The following XKR6 variants were observed in gnomAD, a reference collection of about 807,000 sequenced individuals.
XKR6 encodes XK-related protein 6.
A neutral mutation model predicts 56.7 loss-of-function variants in XKR6; 22 were observed. The observed-to-expected ratio is 0.39, with a 90% CI of 0.28 to 0.55. The LOEUF is 0.55. XKR6 is among the 20% of genes least tolerant of loss of function. The pLI is 0.66. For synonymous variants in XKR6, 524 were observed against 387.8 expected, an observed-to-expected ratio of 1.35 and a Z score of -4.13; for missense variants, 852 against 889.0, an observed-to-expected ratio of 0.96 and a Z score of 0.53.
intron 2 of XKR6, among the ~76,000 whole-genome samples, chr8:10,919,697 G>C (rs941088045): frequency 3.7e-4 from 56 of 152,322 alleles, no homozygotes; most frequent in Non-Finnish European, 7.3e-4. Context: ...GCTGGAATCT[G>C]CATGCAGCCC....
chr8:11,117,440 G>A (rs1799234914), intron 1 of XKR6, among the ~76,000 whole-genome samples: 1 of 152,160 alleles, frequency 6.6e-6, no homozygotes, highest in Non-Finnish European at 1.5e-5. Context: ...CAAACTGAAG[G>A]ATTCCACAGG....
At chr8:11,107,601 C>T (rs907826972) in intron 1 of XKR6, among the ~76,000 whole-genome samples, 1 of 152,186 alleles carries the variant, frequency 6.6e-6, no homozygotes, top group African/African-American at 2.4e-5. Context: ...TCAGGCTCCT[C>T]TCTCAGCGGC....
At chr8:11,151,450 A>G (rs1225566830) in intron 1 of XKR6, among the ~76,000 whole-genome samples, 1 of 152,196 alleles carries the variant, frequency 6.6e-6, no homozygotes, top group Non-Finnish European at 1.5e-5. Flanking sequence ...GTAATTTTCT[A>G]TTATTTGTTC....
At chr8:11,146,493 G>T (rs773286743) in intron 1 of XKR6, among the ~76,000 whole-genome samples, 1 of 152,130 alleles carries the variant, frequency 6.6e-6, no homozygotes, top group Non-Finnish European at 1.5e-5. Context: ...GATGAGCATG[G>T]TGGCATGTGC....
intron 1 of XKR6, among the ~76,000 whole-genome samples, chr8:11,121,800 G>A (rs1693145954): frequency 6.6e-6 from 1 of 152,174 alleles, no homozygotes; most frequent in Non-Finnish European, 1.5e-5. Flanking sequence ...GTCCAACAAT[G>A]ATAGACTGGA....
chr8:11,042,186 G>A (rs553095960), intron 1 of XKR6, among the ~76,000 whole-genome samples: 8 of 151,796 alleles, frequency 5.3e-5, no homozygotes, highest in African/African-American at 1.7e-4. Flanking sequence ...ATCACAGGTC[G>A]AGTCTCCCTT....
chr8:11,108,522 G>A (rs919626528), intron 1 of XKR6: 8 of 368,396 alleles, frequency 2.2e-5, no homozygotes, highest in Middle Eastern at 9.0e-4. Flanking sequence ...AAGCCAGCAG[G>A]AGGCATTGCC....
intron 1 of XKR6, among the ~76,000 whole-genome samples, chr8:11,116,330 C>T (rs1023813421): frequency 3.9e-5 from 6 of 152,204 alleles, no homozygotes; most frequent in Non-Finnish European, 8.8e-5. Flanking sequence ...TGTGTCAACA[C>T]AGAGAACCTG....
At chr8:11,029,579 T>C (rs1424709899) in intron 1 of XKR6, among the ~76,000 whole-genome samples, 3 of 152,270 alleles carry the variant, frequency 2.0e-5, no homozygotes, top group East Asian at 1.9e-4. Context: ...GTTGGCACAC[T>C]GGTCCCAAAC....
chr8:11,079,489 C>T (rs1433212013), intron 1 of XKR6, among the ~76,000 whole-genome samples: 2 of 152,168 alleles, frequency 1.3e-5, no homozygotes, highest in Non-Finnish European at 2.9e-5. Flanking sequence ...GGTTTTGATG[C>T]AGCATCCACA....
Position 11,172,155 on chromosome 8 carries a change from G to C in XKR6, c.764+28421C>G, listed in dbSNP as rs1028365448. On this transcript the variant is annotated intron_variant, in intron 1 of 2. Coordinates refer to ENST00000416569, the MANE Select transcript of XKR6 (RefSeq NM_173683.4). ...GGAGCCTGAGGCCAGCAGATTGCTTGAGCCCAGGAATTTGAGATAGCCTGG... is the reference window on the plus strand; with the variant it reads ...GGAGCCTGAGGCCAGCAGATTGCTTCAGCCCAGGAATTTGAGATAGCCTGG... Among the ~76,000 whole-genome samples, 181 of 152,036 alleles carry C rather than the reference G, an allele frequency of 1.2e-3. 1 individual carries two copies. Among genetic ancestry groups the C allele is most frequent in the African/African-American group, 4.0e-3 (166 of 41,480 alleles).
chr8:10,943,395 G>A (rs946465367), intron 1 of XKR6, among the ~76,000 whole-genome samples: 2 of 152,126 alleles, frequency 1.3e-5, no homozygotes, highest in Non-Finnish European at 2.9e-5. Flanking sequence ...TCCCATGGTT[G>A]ACTCCGACCT....
chr8:11,201,433 A>C lies in XKR6; in HGVS notation c.-94T>G. 3.4e-6 allele frequency: 1 copy of C among 291,038 alleles called. No individual in the cohort carries two copies. Among genetic ancestry groups the C allele is most frequent in the Non-Finnish European group, 5.8e-6 (1 of 173,246 alleles). The allele number at this position is 291,038 out of a possible 1,614,324, so 18.0% of individuals were successfully genotyped here. A position where few individuals can be genotyped will look rare whatever the true frequency, so the allele number is the denominator to read the frequency against. ...AACGGGGAGGGGGGGAAACGAATGG[A>C]GAGGAAGGGGGGCGGGGAGGAAGCG... On this transcript the variant is annotated 5_prime_UTR_variant, in exon 1 of 3. Transcript: ENST00000416569.
intron 1 of XKR6, among the ~76,000 whole-genome samples, chr8:10,988,945 G>A (rs1477480956): frequency 1.3e-5 from 2 of 152,218 alleles, no homozygotes; most frequent in Non-Finnish European, 2.9e-5. Flanking sequence ...ACAGCAAAAG[G>A]CAGAGGACAG....
chr8:11,149,919 G>A (rs1410008822), intron 1 of XKR6, among the ~76,000 whole-genome samples: 2 of 152,178 alleles, frequency 1.3e-5, no homozygotes, highest in African/African-American at 2.4e-5. Flanking sequence ...ATAAAATCAC[G>A]CCGTTTGCAG....
At chr8:10,990,357 C>G (rs1189973346) in intron 1 of XKR6, among the ~76,000 whole-genome samples, 3 of 152,124 alleles carry the variant, frequency 2.0e-5, no homozygotes, top group African/African-American at 7.2e-5. Context: ...CTGCTCTGGT[C>G]CCAAAGGGAG....
intron 1 of XKR6, among the ~76,000 whole-genome samples, chr8:11,145,724 T>C (rs7015231): frequency 0.031 from 4,782 of 152,294 alleles, 243 homozygotes; most frequent in African/African-American, 0.11. Context: ...AATGGAGAGA[T>C]ACGCCATATT....
chr8:10,978,640 T>C (rs6996418), intron 1 of XKR6, among the ~76,000 whole-genome samples: 11,770 of 152,282 alleles, frequency 0.077, 1,331 homozygotes, highest in African/African-American at 0.24. Context: ...GCCCTTAACA[T>C]AGATGGAAAT....
intron 1 of XKR6, among the ~76,000 whole-genome samples, chr8:11,125,378 G>C (rs929309840): frequency 6.6e-6 from 1 of 152,190 alleles, no homozygotes; most frequent in African/African-American, 2.4e-5. Context: ...GGTGTGCTCA[G>C]GTTATTGATT....
Sources: allele counts gnomAD v4.1 joint callset (sites outside exome capture counted in the v4.1 genomes callset), GRCh38; gene constraint gnomAD v4.1.1; transcripts MANE v1.5; gene names NCBI Gene and HGNC (gene_info 2026-07-23, HGNC 2026-07-21).